MLYCD: variants seen among roughly 807,000 people sequenced by gnomAD.
The protein encoded by MLYCD is malonyl-CoA decarboxylase, mitochondrial.
In MLYCD, 27 loss-of-function variants were observed where a neutral mutation model predicts 35.8. That is an observed-to-expected ratio of 0.75 (90% CI 0.56 to 1.04). The LOEUF (loss-of-function observed/expected upper bound fraction) is 1.04, where lower values mean the gene tolerates loss of function less well. Ranked by LOEUF, MLYCD falls within the 50% of genes least tolerant of loss-of-function variation. MLYCD has a pLI of 0.00. For synonymous variants in MLYCD, 403 were observed against 302.4 expected (o/e 1.33, Z -3.45); for missense variants, 917 against 665.1 (o/e 1.38, Z -4.17).
rs1234377231 is a variant in MLYCD, at chr16:83,922,738, C to T, written c.*7249C>T. 1 of 152,310 alleles carries T rather than the reference C, an allele frequency of 6.6e-6. No individual in the cohort carries two copies. Among genetic ancestry groups the T allele is most frequent in the Non-Finnish European group, 1.5e-5 (1 of 68,082 alleles). 9.4% of individuals were successfully genotyped at this position (152,310 alleles called of 1,614,324 possible). A position where few individuals can be genotyped will look rare whatever the true frequency, so the allele number is the denominator to read the frequency against. ...GTCCCTGTCATGATGGGCGTTTCTA[C>T]ATCTGGACCTGGGCGCCACCATCCT... On this transcript the variant is annotated 3_prime_UTR_variant, in exon 5 of 5. Coordinates refer to ENST00000262430, the MANE Select transcript of MLYCD (RefSeq NM_012213.3).
Position 83,908,122 on chromosome 16 carries a change from C to A in MLYCD, c.642-4C>A, listed in dbSNP as rs200080562. The A allele has an allele frequency of 1.3e-5, 21 of 1,614,218 alleles. No individual in the cohort carries two copies. In the East Asian group the frequency reaches 4.7e-4, roughly 36 times the overall value. Reference sequence around the variant, plus strand: ...GTCTTGTCTCTTTATAAATTCCGCCCCAGGGCTGAGGCTGTGCATCCTGTA... The same window carrying A: ...GTCTTGTCTCTTTATAAATTCCGCCACAGGGCTGAGGCTGTGCATCCTGTA... On this transcript the variant is annotated splice_polypyrimidine_tract_variant and splice_region_variant and intron_variant, in intron 2 of 4. Coordinates refer to ENST00000262430, the MANE Select transcript of MLYCD (RefSeq NM_012213.3).
At position 83,919,018 on chromosome 16, in the gene MLYCD, A is replaced by C. The variant is rs565435706; in HGVS notation, c.*3529A>C. The C allele has an allele frequency of 1.3e-5, 2 of 150,254 alleles. No individual in the cohort carries two copies. The highest frequency in any genetic ancestry group is 4.9e-5 in the African/African-American group (2 of 40,622). The allele number at this position is 150,254 out of a possible 1,614,324, so 9.3% of individuals were successfully genotyped here. On this transcript the variant is annotated 3_prime_UTR_variant, in exon 5 of 5. Coordinates refer to ENST00000262430, the MANE Select transcript of MLYCD (RefSeq NM_012213.3). ...AATGTACAGGAGAATACGCACACACAGTGCACAGGAGAACATACACGCAGT... is the reference window on the plus strand; with the variant it reads ...AATGTACAGGAGAATACGCACACACCGTGCACAGGAGAACATACACGCAGT...
intron 1 of MLYCD, among the ~76,000 whole-genome samples, chr16:83,900,710 T>A (rs927200603): frequency 5.4e-5 from 8 of 148,582 alleles, no homozygotes; most frequent in African/African-American, 2.0e-4. Context: ...AGAAGTTTGT[T>A]ATGTGCAGTT....
intron 4 of MLYCD, chr16:83,912,862 A>T (rs986980374): frequency 1.0e-4 from 22 of 217,412 alleles, no homozygotes; most frequent in Non-Finnish European, 9.4e-6. Flanking sequence ...GTGAGACCAG[A>T]CAGCTCGAAG....
chr16:83,919,084 A>G lies in MLYCD; in HGVS notation c.*3595A>G, dbSNP rs1907547980. 6.6e-6 allele frequency: 1 copy of G among 151,404 alleles called. No homozygotes were observed. Among genetic ancestry groups the G allele is most frequent in the Non-Finnish European group, 1.5e-5 (1 of 68,046 alleles). 9.4% of individuals were successfully genotyped at this position (151,404 alleles called of 1,614,324 possible). A position where few individuals can be genotyped will look rare whatever the true frequency, so the allele number is the denominator to read the frequency against. On this transcript the variant is annotated 3_prime_UTR_variant, in exon 5 of 5. Coordinates refer to ENST00000262430, the MANE Select transcript of MLYCD (RefSeq NM_012213.3). Reference sequence around the variant, plus strand: ...ACCGGAGAACACAGTGCACAGGAGAACACGCACACACAGTGCACAGAACAC... The same window carrying G: ...ACCGGAGAACACAGTGCACAGGAGAGCACGCACACACAGTGCACAGAACAC...
chr16:83,902,833 T>C (rs1413655942), intron 1 of MLYCD, among the ~76,000 whole-genome samples: 1 of 152,154 alleles, frequency 6.6e-6, no homozygotes, highest in African/African-American at 2.4e-5. Context: ...AATGTTCTTT[T>C]CCTCTGATCT....
Position 83,919,720 on chromosome 16 carries a change from CA to C in MLYCD, c.*4232del, listed in dbSNP as rs1907583200. 1 of 136,356 alleles carries C rather than the reference CA, an allele frequency of 7.3e-6. No homozygotes were observed. The highest frequency in any genetic ancestry group is 3.5e-5 in the African/African-American group (1 of 28,208). The allele number at this position is 136,356 out of a possible 1,614,324, so 8.4% of individuals were successfully genotyped here. A position where few individuals can be genotyped will look rare whatever the true frequency, so the allele number is the denominator to read the frequency against. ...AACACACGGGGCACAGGAGAACACACAGTGCACAGAACACACAGTGCACAGA... is the reference window on the plus strand; with the variant it reads ...AACACACGGGGCACAGGAGAACACACGTGCACAGAACACACAGTGCACAGA... On this transcript the variant is annotated 3_prime_UTR_variant, in exon 5 of 5. Coordinates refer to ENST00000262430, the MANE Select transcript of MLYCD (RefSeq NM_012213.3).
chr16:83,916,190 T>C lies in MLYCD; in HGVS notation c.*701T>C. On this transcript the variant is annotated 3_prime_UTR_variant, in exon 5 of 5. Transcript: ENST00000262430. ...GTTCTGTAAAGCATTGAACATCTGA[T>C]TGTGTAGTGGTGGTCGTCTTTAAGA... 1 of 989,166 alleles carries C rather than the reference T, an allele frequency of 1.0e-6. No homozygotes were observed. Among genetic ancestry groups the C allele is most frequent in the Non-Finnish European group, 1.2e-6 (1 of 831,216 alleles). 61.3% of individuals were successfully genotyped at this position (989,166 alleles called of 1,614,324 possible). A position where few individuals can be genotyped will look rare whatever the true frequency, so the allele number is the denominator to read the frequency against.
intron 1 of MLYCD, among the ~76,000 whole-genome samples, chr16:83,902,921 T>G (rs568377090): frequency 4.6e-5 from 7 of 152,304 alleles, no homozygotes; most frequent in African/African-American, 1.7e-4. Flanking sequence ...TGTGTGTCCC[T>G]GTGGTTGCAT....
intron 4 of MLYCD, chr16:83,912,759 T>TCCTCCC (rs1177730130): frequency 3.0e-6 from 1 of 333,460 alleles, no homozygotes; most frequent in Non-Finnish European, 5.9e-6. Flanking sequence ...GCCACGCCTG[T>TCCTCCC]CCTCCCCCTG....
chr16:83,911,542 C>G (rs1051647789), intron 3 of MLYCD: 3 of 153,888 alleles, frequency 1.9e-5, no homozygotes, highest in Non-Finnish European at 2.9e-5. Flanking sequence ...AAAACGCTGC[C>G]GTGAGAATGA....
chr16:83,900,017 T>C (rs925660839), intron 1 of MLYCD, among the ~76,000 whole-genome samples: 3 of 152,236 alleles, frequency 2.0e-5, no homozygotes, highest in Non-Finnish European at 4.4e-5. Context: ...GAGAAGTGTT[T>C]CATCTATATG....
rs961080678 is a variant in MLYCD at position 83,918,155 on chromosome 16, G to A, written c.*2666G>A. The A allele has an allele frequency of 4.6e-5, 7 of 152,246 alleles. No individual in the cohort carries two copies. The highest frequency in any genetic ancestry group is 8.8e-5 in the Non-Finnish European group (6 of 68,050). The allele number at this position is 152,246 out of a possible 1,614,324, so 9.4% of individuals were successfully genotyped here. On this transcript the variant is annotated 3_prime_UTR_variant, in exon 5 of 5. Coordinates refer to ENST00000262430, the MANE Select transcript of MLYCD (RefSeq NM_012213.3). ...CATCACGTTACTCTTTAGGTCAAAT[G>A]TAACCCTCCCGGTTTTATTTATCAC...
intron 3 of MLYCD, among the ~76,000 whole-genome samples, chr16:83,909,111 A>G (rs140194959): frequency 1.8e-4 from 28 of 152,260 alleles, no homozygotes; most frequent in Non-Finnish European, 3.5e-4. Context: ...TGTGTGTGAA[A>G]GAGTCACACT....
At position 83,899,567 on chromosome 16, in the gene MLYCD, C is replaced by G. The variant is rs781702822; in HGVS notation, c.423C>G (p.Phe141Leu). The G allele has an allele frequency of 5.6e-6, 9 of 1,593,350 alleles. No homozygotes were observed. Among genetic ancestry groups the G allele is most frequent in the Non-Finnish European group, 7.6e-6 (9 of 1,177,836 alleles). ...TGGTGCCGCGCTATCGCGGCCTCTT[C>G]CACCACATCAGCAAGCTGGACGGCG... ...YALVPRYRGLFHHISKLDGGV... is the reference protein window; with the variant it reads ...YALVPRYRGLLHHISKLDGGV... The change falls in exon 1 of 5, where the codon TTC becomes TTG. Residue 141 changes from phenylalanine to leucine, a missense_variant. Physicochemically the swap from Phe to Leu is conservative, Grantham distance 22. Coordinates refer to ENST00000262430, the MANE Select transcript of MLYCD (RefSeq NM_012213.3).
rs1226092695 is a variant in MLYCD, at chr16:83,925,322, G to C, written c.*9833G>C. 6.6e-6 allele frequency: 1 copy of C among 152,532 alleles called. No homozygotes were observed. The highest frequency in any genetic ancestry group is 1.5e-5 in the Non-Finnish European group (1 of 68,314). The allele number at this position is 152,532 out of a possible 1,614,324, so 9.4% of individuals were successfully genotyped here. ...CTCCAACTGTGTAACACAGAAGCCT[G>C]GGTGCCATCCCTGGGGCTCCCCTCA... On this transcript the variant is annotated 3_prime_UTR_variant, in exon 5 of 5. Transcript: ENST00000262430.
At chr16:83,902,190 T>C (rs1364048001) in intron 1 of MLYCD, among the ~76,000 whole-genome samples, 1 of 142,114 alleles carries the variant, frequency 7.0e-6, no homozygotes, top group East Asian at 2.0e-4. Flanking sequence ...TATATATATA[T>C]GGTTTTTTGT....
intron 1 of MLYCD, among the ~76,000 whole-genome samples, chr16:83,905,969 T>C (rs1274820191): frequency 6.6e-6 from 1 of 152,220 alleles, no homozygotes; most frequent in African/African-American, 2.4e-5. Flanking sequence ...TCAATTCACA[T>C]CATTTTTGGA....
In MLYCD at chr16:83,925,959, C is replaced by G. The variant is rs370884655; in HGVS notation, c.*10470C>G. 6.6e-5 allele frequency: 10 copies of G among 152,424 alleles called. No homozygotes were observed. The highest frequency in any genetic ancestry group is 2.4e-4 in the African/African-American group (10 of 41,594). The allele number at this position is 152,424 out of a possible 1,614,324, so 9.4% of individuals were successfully genotyped here. The stretch of plus-strand genomic sequence containing the variant: ...GTGTATCTCCACTAGACTAGACGCT[C>G]TCTGAGGGCAGGGACCCTGCTTCGC... On this transcript the variant is annotated 3_prime_UTR_variant, in exon 5 of 5. Coordinates refer to ENST00000262430, the MANE Select transcript of MLYCD (RefSeq NM_012213.3).
Sources: gnomAD v4.1 joint callset for allele counts (sites outside exome capture counted in the v4.1 genomes callset) on GRCh38, gnomAD v4.1.1 for gene constraint, MANE v1.5 for transcripts, NCBI Gene and HGNC (gene_info 2026-07-23, HGNC 2026-07-21) for gene names.